Variants in PDE5A observed in about 807,000 individuals in gnomAD.
PDE5A encodes phosphodiesterase 5A, also known as cGMP-specific 3',5'-cyclic phosphodiesterase.
Under a neutral mutation model 110.2 loss-of-function variants are expected in PDE5A, and 67 were observed. The ratio of observed to expected loss-of-function variants is 0.61; its 90% CI spans 0.50 to 0.75. The LOEUF is 0.75. Among genes scored for constraint, PDE5A ranks in the 30% least tolerant of loss-of-function variants. The pLI, the probability that PDE5A is intolerant of heterozygous loss-of-function variation, is 0.00. For missense variants in PDE5A, 862 were observed against 1,045.1 expected, an observed-to-expected ratio of 0.82 and a Z score of 2.42; for synonymous variants, 328 against 351.2, an observed-to-expected ratio of 0.93 and a Z score of 0.74.
rs17356245 is a variant in PDE5A at position 119,503,896 on chromosome 4, A to C, written c.2331+640T>G. ...TAATACTACTTAAAAATTCCAAAAA[A>C]AATTCCATACTTACTTCAGAAGCTA... On this transcript the variant is annotated intron_variant, in intron 18 of 20. Transcript: ENST00000354960. Among the ~76,000 whole-genome samples, 1,317 of 152,294 alleles carry C rather than the reference A, an allele frequency of 8.6e-3. 7 individuals carry two copies. The highest frequency in any genetic ancestry group is 0.014 in the Non-Finnish European group (943 of 68,026).
rs1361778986 is a variant in PDE5A at position 119,562,689 on chromosome 4, T to C, written c.1131+144A>G. 2.2e-5 allele frequency: 12 copies of C among 548,690 alleles called. 1 individual carries two copies. Among genetic ancestry groups the C allele is most frequent in the Non-Finnish European group, 3.0e-6 (1 of 329,472 alleles). The allele number at this position is 548,690 out of a possible 1,614,324, so 34.0% of individuals were successfully genotyped here. On this transcript the variant is annotated intron_variant, in intron 6 of 20. Coordinates refer to ENST00000354960, the MANE Select transcript of PDE5A (RefSeq NM_001083.4). ...ACCTGTCTTCAACCAGAACAGCTCATACCCTGATTAGTTTTATATACATAT... is the reference window on the plus strand; with the variant it reads ...ACCTGTCTTCAACCAGAACAGCTCACACCCTGATTAGTTTTATATACATAT...
chr4:119,562,711 A>T (rs1727785079), intron 6 of PDE5A, 122 bp downstream of exon 6: 1 of 687,594 alleles, frequency 1.5e-6, no homozygotes, highest in Non-Finnish European at 2.3e-6. Context: ...TTTTATATAC[A>T]TATTCATACA....
At chr4:119,579,041 C>T (rs1441102211) in intron 3 of PDE5A, among the ~76,000 whole-genome samples, 2 of 152,056 alleles carry the variant, frequency 1.3e-5, no homozygotes, top group Admixed American at 6.6e-5. Context: ...TATGAACAGA[C>T]ACTTCTCAAA....
chr4:119,603,491 G>A (rs1729419044), intron 2 of PDE5A, among the ~76,000 whole-genome samples: 1 of 152,180 alleles, frequency 6.6e-6, no homozygotes, highest in Non-Finnish European at 1.5e-5. Context: ...CAATGTACAG[G>A]TAGCATTTAC....
intron 15 of PDE5A, among the ~76,000 whole-genome samples, chr4:119,509,530 A>G (rs1725669949): frequency 1.3e-5 from 2 of 152,016 alleles, no homozygotes; most frequent in South Asian, 4.1e-4. Flanking sequence ...GCACGAGCCA[A>G]AGGGAGGGCT....
At chr4:119,623,291 G>GT (rs1253826930) in intron 1 of PDE5A, among the ~76,000 whole-genome samples, 6 of 152,182 alleles carry the variant, frequency 3.9e-5, no homozygotes, top group African/African-American at 1.4e-4. Context: ...TGCAAAGTCA[G>GT]TAACTAGTCT....
intron 2 of PDE5A, among the ~76,000 whole-genome samples, chr4:119,600,538 G>GT (rs1560635437): frequency 1.3e-5 from 2 of 152,060 alleles, no homozygotes; most frequent in African/African-American, 4.8e-5. Flanking sequence ...CACGGAAAGT[G>GT]TAAGATAGGC....
chr4:119,499,971 T>G (rs1312972872), intron 20 of PDE5A: 1 of 139,674 alleles, frequency 7.2e-6, no homozygotes, highest in Non-Finnish European at 1.6e-5. Flanking sequence ...CTTGTGTGTG[T>G]GTATATATAT....
chr4:119,542,390 G>A (rs1726961101), intron 10 of PDE5A, 69 bp downstream of exon 10: 1 of 1,424,376 alleles, frequency 7.0e-7, no homozygotes. Flanking sequence ...CACCATGAGT[G>A]ATTATGAGGG....
intron 3 of PDE5A, among the ~76,000 whole-genome samples, chr4:119,569,391 A>G (rs1266831612): frequency 6.6e-6 from 1 of 152,074 alleles, no homozygotes; most frequent in Non-Finnish European, 1.5e-5. Context: ...ACAAAAATGT[A>G]TTGTATTAGG....
At chr4:119,524,012 T>A (rs1726220760) in intron 12 of PDE5A, among the ~76,000 whole-genome samples, 1 of 152,072 alleles carries the variant, frequency 6.6e-6, no homozygotes, top group Non-Finnish European at 1.5e-5. Flanking sequence ...AGAAATTTGA[T>A]GAGTGATGTA....
At chr4:119,506,755 C>G (rs142719254) in intron 16 of PDE5A, among the ~76,000 whole-genome samples, 1 of 151,884 alleles carries the variant, frequency 6.6e-6, no homozygotes, top group African/African-American at 2.4e-5. Context: ...ATTATTTTGT[C>G]TTAACCTCAA....
intron 9 of PDE5A, 64 bp from the exon 10 acceptor site, chr4:119,542,698 A>C (rs1376077849): frequency 6.9e-7 from 1 of 1,442,208 alleles, no homozygotes; most frequent in East Asian, 2.3e-5. Context: ...GTGGACTTTA[A>C]CAAACACACC....
rs1162717691 is a variant in PDE5A, at chr4:119,558,888, G to A, written c.1199+1408C>T. On this transcript the variant is annotated intron_variant, in intron 7 of 20. Transcript: ENST00000354960. The stretch of plus-strand genomic sequence containing the variant: ...GCCGAGATCCCGCCACTGCACTCCA[G>A]CCTGGGCGACAGAGCGAGACTCCGT... Among the ~76,000 whole-genome samples, 3 of 129,688 alleles carry A rather than the reference G, an allele frequency of 2.3e-5. No individual in the cohort carries two copies. The East Asian group carries it at 7.0e-4, about 30-fold the overall frequency. 85.1% of individuals were successfully genotyped at this position (129,688 alleles called of 152,430 possible). A position where few individuals can be genotyped will look rare whatever the true frequency, so the allele number is the denominator to read the frequency against.
chr4:119,590,335 C>T (rs1728922852), intron 3 of PDE5A, among the ~76,000 whole-genome samples: 3 of 152,172 alleles, frequency 2.0e-5, no homozygotes, highest in African/African-American at 4.8e-5. Context: ...CAAACTCCTA[C>T]CCCATACTCC....
At chr4:119,506,790 G>A (rs1725568930) in intron 16 of PDE5A, among the ~76,000 whole-genome samples, 1 of 151,786 alleles carries the variant, frequency 6.6e-6, no homozygotes, top group African/African-American at 2.4e-5. Context: ...CAATTAAGTA[G>A]GCACATGCAG....
chr4:119,552,568 T>C lies in PDE5A; in HGVS notation c.1378A>G (p.Lys460Glu), dbSNP rs1727391684. Residue 460 changes from lysine (K) to glutamate (E), a missense_variant, in exon 9 of 21, where the codon AAG becomes GAG. By Grantham distance (56) the Lys-to-Glu change is moderately conservative. Transcript: ENST00000354960. ...GTTTTACCTATAACTTTATTCTTCT[T>C]TCCATTTTTTATAGGTGTACAAAGC... ...SLLCTPIKNG[K>E]KNKVIGVCQL... is the part of the protein sequence containing the mutation. 3.3e-6 allele frequency: 5 copies of C among 1,500,570 alleles called. No individual in the cohort carries two copies. The highest frequency in any genetic ancestry group is 1.4e-5 in the African/African-American group (1 of 70,346). 93.0% of individuals were successfully genotyped at this position (1,500,570 alleles called of 1,614,324 possible). A position where few individuals can be genotyped will look rare whatever the true frequency, so the allele number is the denominator to read the frequency against.
chr4:119,541,303 A>T (rs1193588889), intron 10 of PDE5A, among the ~76,000 whole-genome samples: 1 of 151,374 alleles, frequency 6.6e-6, no homozygotes, highest in East Asian at 1.9e-4. Flanking sequence ...ATTAAAAATT[A>T]TATTTATATA....
At chr4:119,535,068 G>A (rs748634860) in intron 11 of PDE5A, among the ~76,000 whole-genome samples, 5 of 152,142 alleles carry the variant, frequency 3.3e-5, no homozygotes, top group Admixed American at 2.6e-4. Context: ...GAAGGTTGCC[G>A]GGACTGACCC....
Sources: allele counts gnomAD v4.1 joint callset (sites outside exome capture counted in the v4.1 genomes callset), GRCh38; gene constraint gnomAD v4.1.1; transcripts MANE v1.5; gene names NCBI Gene and HGNC (gene_info 2026-07-23, HGNC 2026-07-21).